The following ELFN1 variants were observed in gnomAD, a reference collection of about 807,000 sequenced individuals.
The protein encoded by ELFN1 is protein ELFN1.
In ELFN1, 6 loss-of-function variants were observed where a neutral mutation model predicts 7.6. That is an observed-to-expected ratio of 0.79 (90% CI 0.43 to 1.56). ELFN1 has a LOEUF of 1.56. Among genes scored for constraint, ELFN1 ranks in the 40% most tolerant of loss-of-function variants. The pLI is 0.01. For missense variants in ELFN1, 1,169 were observed against 1,232.2 expected, an observed-to-expected ratio of 0.95 and a Z score of 0.77; for synonymous variants, 657 against 588.1, an observed-to-expected ratio of 1.12 and a Z score of -1.70.
At chr7:1,736,852 G>A (rs565142888) in intron 3 of ELFN1, among the ~76,000 whole-genome samples, 1 of 152,214 alleles carries the variant, frequency 6.6e-6, no homozygotes, top group South Asian at 2.1e-4. Context: ...GTATTCAGAC[G>A]GGAGAGGGTC....
intron 2 of ELFN1, among the ~76,000 whole-genome samples, chr7:1,703,729 A>G (rs1408560622): frequency 6.6e-6 from 1 of 152,142 alleles, no homozygotes; most frequent in African/African-American, 2.4e-5. Flanking sequence ...CCTAATTACC[A>G]CGGGGACAAT....
chr7:1,687,522 A>C (rs1779081712), intron 1 of ELFN1, among the ~76,000 whole-genome samples: 1 of 152,048 alleles, frequency 6.6e-6, no homozygotes, highest in African/African-American at 2.4e-5. Flanking sequence ...CTCCAGGGGA[A>C]TCTCACAACT....
rs993246490 is a variant in ELFN1, at chr7:1,747,216, G to A, written c.*133G>A. The A allele has an allele frequency of 2.6e-5, 28 of 1,069,152 alleles. No individual in the cohort carries two copies. Among genetic ancestry groups the A allele is most frequent in the Non-Finnish European group, 3.5e-5 (27 of 780,428 alleles). The allele number at this position is 1,069,152 out of a possible 1,614,324, so 66.2% of individuals were successfully genotyped here. A position where few individuals can be genotyped will look rare whatever the true frequency, so the allele number is the denominator to read the frequency against. ...GGGGGGCCCTGCAGAGGCGAGGGGG[G>A]AGCGAGTGGGGACAGACAAGGGGGA... is the stretch of plus-strand genomic sequence containing the variant. On this transcript the variant is annotated 3_prime_UTR_variant, in exon 4 of 4. Transcript: ENST00000424383.
At chr7:1,676,581 C>T (rs1482484350) in intron 1 of ELFN1, among the ~76,000 whole-genome samples, 1 of 152,264 alleles carries the variant, frequency 6.6e-6, no homozygotes, top group Non-Finnish European at 1.5e-5. Context: ...TTCTGACTTG[C>T]CCTGCATGGC....
At position 1,746,616 on chromosome 7, in the gene ELFN1, T is replaced by TC; in HGVS notation, c.2025dup (p.Ala676ArgfsTer314). 7.4e-7 allele frequency: 1 copy of TC among 1,346,982 alleles called. No homozygotes were observed. The highest frequency in any genetic ancestry group is 9.5e-7 in the Non-Finnish European group (1 of 1,053,888). 83.4% of individuals were successfully genotyped at this position (1,346,982 alleles called of 1,614,324 possible). A position where few individuals can be genotyped will look rare whatever the true frequency, so the allele number is the denominator to read the frequency against. ...CGAGGCCAAGTACATCGAGAAGGGC[T>TC]CCCCCGCGGCCGACGCCATCCTCAC... On this transcript the variant is annotated frameshift_variant, in exon 4 of 4. Coordinates refer to ENST00000424383, the MANE Select transcript of ELFN1 (RefSeq NM_001128636.4). LOFTEE classifies it low-confidence loss of function (END_TRUNC).
intron 2 of ELFN1, among the ~76,000 whole-genome samples, chr7:1,701,407 T>G (rs1779426260): frequency 6.6e-6 from 1 of 152,182 alleles, no homozygotes; most frequent in African/African-American, 2.4e-5. Flanking sequence ...CAGGCTAGCT[T>G]TTCATAGTAT....
intron 3 of ELFN1, among the ~76,000 whole-genome samples, chr7:1,722,432 A>G (rs1196521432): frequency 6.6e-6 from 1 of 151,878 alleles, no homozygotes; most frequent in Non-Finnish European, 1.5e-5. Context: ...ACGCCTGGCT[A>G]ATTTTTTTAT....
At chr7:1,702,326 A>G (rs989664057) in intron 2 of ELFN1, among the ~76,000 whole-genome samples, 19 of 152,032 alleles carry the variant, frequency 1.2e-4, no homozygotes, top group African/African-American at 4.6e-4. Context: ...TGGGAGGCTG[A>G]GGCAGGAGAA....
chr7:1,720,118 C>G (rs1032658471), intron 3 of ELFN1, among the ~76,000 whole-genome samples: 1 of 152,220 alleles, frequency 6.6e-6, no homozygotes, highest in Non-Finnish European at 1.5e-5. Context: ...GTGTCCTTTG[C>G]GAGCCTGATG....
intron 1 of ELFN1, among the ~76,000 whole-genome samples, chr7:1,682,282 G>A (rs1396309604): frequency 6.6e-6 from 1 of 152,172 alleles, no homozygotes; most frequent in Non-Finnish European, 1.5e-5. Context: ...GCTAACGTCT[G>A]TATGGTGTGT....
At position 1,746,572 on chromosome 7, in the gene ELFN1, T is replaced by C; in HGVS notation, c.1976T>C (p.Val659Ala). The part of the protein sequence containing the change: ...PRAFRAEAVG[V>A]HKAAAAEAKY... Reference sequence around the variant, plus strand: ...GCCTTCCGAGCCGAGGCCGTCGGGGTGCACAAGGCCGCGGCCGCCGAGGCC... The same window carrying C: ...GCCTTCCGAGCCGAGGCCGTCGGGGCGCACAAGGCCGCGGCCGCCGAGGCC... Residue 659 changes from valine (V) to alanine (A), a missense_variant, in exon 4 of 4, where the codon GTG becomes GCG. Coordinates refer to ENST00000424383, the MANE Select transcript of ELFN1 (RefSeq NM_001128636.4). The C allele has an allele frequency of 7.4e-7, 1 of 1,350,556 alleles. No homozygotes were observed. The highest frequency in any genetic ancestry group is 9.5e-7 in the Non-Finnish European group (1 of 1,056,466). The allele number at this position is 1,350,556 out of a possible 1,614,324, so 83.7% of individuals were successfully genotyped here. A position where few individuals can be genotyped will look rare whatever the true frequency, so the allele number is the denominator to read the frequency against.
intron 3 of ELFN1, among the ~76,000 whole-genome samples, chr7:1,710,856 C>T (rs558900315): frequency 6.6e-6 from 1 of 152,336 alleles, no homozygotes; most frequent in South Asian, 2.1e-4. Flanking sequence ...AAGGCACCTT[C>T]GGGATCATGA....
At chr7:1,724,847 CT>C (rs906724547) in intron 3 of ELFN1, among the ~76,000 whole-genome samples, 7 of 152,242 alleles carry the variant, frequency 4.6e-5, no homozygotes, top group Admixed American at 1.3e-4. Context: ...TCCTGCACCC[CT>C]GGCACCCCTT....
At position 1,695,883 on chromosome 7, in the gene ELFN1, C is replaced by T. The variant is rs1562363803; in HGVS notation, c.-456+7733C>T. Among the ~76,000 whole-genome samples the T allele has an allele frequency of 6.6e-6, 1 of 152,098 alleles. No individual in the cohort carries two copies. The highest frequency in any genetic ancestry group is 2.4e-5 in the African/African-American group (1 of 41,400). ...GGTTACCAGACAAAGTCTGTTTCCT[C>T]CTGGAGTGTGCATTTATTAAATACC... On this transcript the variant is annotated intron_variant, in intron 2 of 3. Transcript: ENST00000424383. The surrounding 1 kb of genome is among the most constrained non-coding windows in gnomAD (Gnocchi z 5.1).
At chr7:1,715,647 CT>C (rs1779807894) in intron 3 of ELFN1, among the ~76,000 whole-genome samples, 1 of 152,214 alleles carries the variant, frequency 6.6e-6, no homozygotes, top group Non-Finnish European at 1.5e-5. Flanking sequence ...CTTCATTTGT[CT>C]TTTAATTTCC....
rs1170568938 is a variant in ELFN1 at position 1,695,024 on chromosome 7, C to T, written c.-456+6874C>T. 2.6e-5 allele frequency among the ~76,000 whole-genome samples: 4 copies of T among 152,200 alleles called. No individual in the cohort carries two copies. Among genetic ancestry groups the T allele is most frequent in the Admixed American group, 6.5e-5 (1 of 15,288 alleles). ...CCTGTTGAGTGCTGCAGAGGGGCGT[C>T]GGGCGTCGTGCACATGTGCCCATCC... On this transcript the variant is annotated intron_variant, in intron 2 of 3. Coordinates refer to ENST00000424383, the MANE Select transcript of ELFN1 (RefSeq NM_001128636.4). The surrounding 1 kb of genome is among the most constrained non-coding windows in gnomAD (Gnocchi z 5.1).
chr7:1,735,724 C>T lies in ELFN1; in HGVS notation c.-293-8580C>T, dbSNP rs1262214181. The stretch of plus-strand genomic sequence containing the variant: ...TGAAGGAAAACCCACATATGTCCAG[C>T]GTGCGGCTCCATCTCCCATACTGCC... On this transcript the variant is annotated intron_variant, in intron 3 of 3. Coordinates refer to ENST00000424383, the MANE Select transcript of ELFN1 (RefSeq NM_001128636.4). This position sits in a 1 kb window ranked among gnomAD's most constrained non-coding sequence, Gnocchi z 5.9. Among the ~76,000 whole-genome samples the T allele has an allele frequency of 1.3e-5, 2 of 152,060 alleles. No individual in the cohort carries two copies. Among genetic ancestry groups the T allele is most frequent in the African/African-American group, 2.4e-5 (1 of 41,394 alleles).
intron 3 of ELFN1, among the ~76,000 whole-genome samples, chr7:1,723,479 C>T (rs1013385774): frequency 3.3e-5 from 5 of 152,244 alleles, no homozygotes; most frequent in African/African-American, 9.6e-5. Context: ...CCACTCTGTG[C>T]ACATGGCTCT....
intron 1 of ELFN1, among the ~76,000 whole-genome samples, chr7:1,672,005 T>C (rs969233198): frequency 6.2e-4 from 95 of 152,296 alleles, no homozygotes; most frequent in African/African-American, 2.2e-3. Context: ...AAGTCAGAGA[T>C]TGGGGGCCAT....
Sources: allele counts gnomAD v4.1 joint callset (sites outside exome capture counted in the v4.1 genomes callset), GRCh38; gene constraint gnomAD v4.1.1; non-coding constraint Gnocchi (gnomAD v3.1); transcripts MANE v1.5; gene names NCBI Gene and HGNC (gene_info 2026-07-23, HGNC 2026-07-21).